TNFRSF10B: variants seen among roughly 807,000 people sequenced by gnomAD.
The protein encoded by TNFRSF10B is TNF receptor superfamily member 10b, also known as tumor necrosis factor receptor superfamily member 10B.
Under a neutral mutation model 41.4 loss-of-function variants are expected in TNFRSF10B, and 35 were observed. The ratio of observed to expected loss-of-function variants is 0.85; its 90% CI spans 0.65 to 1.12. The LOEUF (loss-of-function observed/expected upper bound fraction) is 1.12, where lower values mean the gene tolerates loss of function less well. TNFRSF10B is among the 50% of genes most tolerant of loss of function. The pLI is 0.00. For synonymous variants in TNFRSF10B, 230 were observed against 215.5 expected, an observed-to-expected ratio of 1.07 and a Z score of -0.59; for missense variants, 584 against 552.7, an observed-to-expected ratio of 1.06 and a Z score of -0.57.
intron 1 of TNFRSF10B, chr8:23,068,227 C>T (rs1241338162): frequency 1.3e-5 from 2 of 155,838 alleles, no homozygotes; most frequent in East Asian, 1.9e-4. Context: ...GACTCCCGCG[C>T]ACGGAACGGA....
At chr8:23,034,605 T>C (rs1811976456) in intron 2 of TNFRSF10B, among the ~76,000 whole-genome samples, 2 of 152,210 alleles carry the variant, frequency 1.3e-5, no homozygotes, top group African/African-American at 4.8e-5. Context: ...TACATGCCTG[T>C]AGTCTTAGCT....
chr8:23,041,068 T>G (rs909348751), intron 2 of TNFRSF10B, among the ~76,000 whole-genome samples: 21 of 151,484 alleles, frequency 1.4e-4, no homozygotes, highest in African/African-American at 4.1e-4. Flanking sequence ...TTTGTTGTTT[T>G]TTTTTTTTGA....
At chr8:23,043,032 T>A in intron 2 of TNFRSF10B, 106 bp downstream of exon 2, 1 of 1,063,952 alleles carries the variant, frequency 9.4e-7, no homozygotes, top group African/African-American at 1.6e-5. Context: ...AGGCACCCAA[T>A]GCCTCTCTGT....
intron 1 of TNFRSF10B, among the ~76,000 whole-genome samples, chr8:23,067,230 G>A (rs138762474): frequency 0.012 from 1,822 of 151,792 alleles, 23 homozygotes; most frequent in South Asian, 0.053. Flanking sequence ...TGCCCGCCTC[G>A]GCCTCCCAAA....
chr8:23,059,808 G>A (rs1481663916), intron 1 of TNFRSF10B, among the ~76,000 whole-genome samples: 2 of 152,124 alleles, frequency 1.3e-5, no homozygotes, highest in East Asian at 1.9e-4. Context: ...CACCGCACCC[G>A]GCCTGTGTGT....
chr8:23,050,967 G>C (rs1381147365), intron 1 of TNFRSF10B, among the ~76,000 whole-genome samples: 1 of 152,196 alleles, frequency 6.6e-6, no homozygotes, highest in Non-Finnish European at 1.5e-5. Context: ...CCAGCTACTT[G>C]GGAGGCTGAG....
In TNFRSF10B at chr8:23,024,280, A is replaced by C; in HGVS notation, c.937-20T>G. The C allele has an allele frequency of 6.2e-7, 1 of 1,613,818 alleles. No individual in the cohort carries two copies. The highest frequency in any genetic ancestry group is 8.5e-7 in the Non-Finnish European group (1 of 1,179,832). ...CGGTTCCTGTAACACATAGTGGGGA[A>C]TGTCCTGGTCAGAGCCAGGAGTCCT... On this transcript the variant is annotated intron_variant, in intron 7 of 8. Coordinates refer to ENST00000276431, the MANE Select transcript of TNFRSF10B (RefSeq NM_003842.5).
intron 1 of TNFRSF10B, among the ~76,000 whole-genome samples, chr8:23,048,966 C>T (rs1204245923): frequency 1.3e-5 from 2 of 152,120 alleles, no homozygotes; most frequent in African/African-American, 2.4e-5. Context: ...ACTTGAAAGA[C>T]ATTTCTCCAA....
At position 23,040,084 on chromosome 8, in the gene TNFRSF10B, G is replaced by C. The variant is rs576964045; in HGVS notation, c.250+3054C>G. ...CTACTCCCTGTACTCAGGAGGCTGA[G>C]GCAGGAAAATCGCTTAAACCCAGCA... is the stretch of plus-strand genomic sequence containing the variant. On this transcript the variant is annotated intron_variant, in intron 2 of 8. Coordinates refer to ENST00000276431, the MANE Select transcript of TNFRSF10B (RefSeq NM_003842.5). 2.0e-5 allele frequency among the ~76,000 whole-genome samples: 3 copies of C among 151,710 alleles called. No individual in the cohort carries two copies. In the East Asian group the frequency reaches 5.8e-4, roughly 29 times the overall value.
chr8:23,049,963 G>A (rs1329948559), intron 1 of TNFRSF10B: 1 of 152,288 alleles, frequency 6.6e-6, no homozygotes, highest in African/African-American at 2.4e-5. Flanking sequence ...GTCTTCAGGA[G>A]GATCCCAGCA....
At position 23,022,544 on chromosome 8, in the gene TNFRSF10B, G is replaced by T; in HGVS notation, c.*127C>A. On this transcript the variant is annotated 3_prime_UTR_variant, in exon 9 of 9. Coordinates refer to ENST00000276431, the MANE Select transcript of TNFRSF10B (RefSeq NM_003842.5). ...TTCCATCCACTGGGTGATGTTGGAT[G>T]GGAGAGTTTCTTCCAGTACCGGTCA... 2 of 976,578 alleles carry T rather than the reference G, an allele frequency of 2.0e-6. No individual in the cohort carries two copies. The highest frequency in any genetic ancestry group is 1.6e-6 in the Non-Finnish European group (1 of 628,090). The allele number at this position is 976,578 out of a possible 1,614,324, so 60.5% of individuals were successfully genotyped here.
At chr8:23,052,285 CTTTT>C (rs35496059) in intron 1 of TNFRSF10B, among the ~76,000 whole-genome samples, 1 of 129,550 alleles carries the variant, frequency 7.7e-6, no homozygotes, top group Non-Finnish European at 1.6e-5. Flanking sequence ...TAAAGGGTAA[CTTTT>C]TTTTTTTTTT....
intron 1 of TNFRSF10B, among the ~76,000 whole-genome samples, chr8:23,064,229 G>C (rs1301988819): frequency 1.3e-5 from 2 of 152,258 alleles, no homozygotes; most frequent in African/African-American, 4.8e-5. Flanking sequence ...GGACATAGAG[G>C]AAAGAGTGCA....
rs774359941 is a variant in TNFRSF10B at position 23,043,232 on chromosome 8, C to G, written c.156G>C (p.Glu52Asp). ...VAAVLLLVSA[E>D]SALITQQDLA... Reference sequence around the variant, plus strand: ...GGTCTTGTTGGGTGATCAGAGCAGACTCAGCTGAGACCTGTGGGGACAAAG... The same window carrying G: ...GGTCTTGTTGGGTGATCAGAGCAGAGTCAGCTGAGACCTGTGGGGACAAAG... The change falls in exon 2 of 9, where the codon GAG (glutamate) becomes GAC (aspartate). Residue 52 changes from glutamate (E) to aspartate (D), a missense_variant. Coordinates refer to ENST00000276431, the MANE Select transcript of TNFRSF10B (RefSeq NM_003842.5). 11 of 1,613,978 alleles carry G rather than the reference C, an allele frequency of 6.8e-6. No homozygotes were observed.
In TNFRSF10B at chr8:23,022,636, C is replaced by T. The variant is rs1388416705; in HGVS notation, c.*35G>A. ...GGGCTTTTTCCAGAAAAAAGGTAAA[C>T]CAGGGAAGGTCTGACTTCCTGAAGA... On this transcript the variant is annotated 3_prime_UTR_variant, in exon 9 of 9. Coordinates refer to ENST00000276431, the MANE Select transcript of TNFRSF10B (RefSeq NM_003842.5). 1 of 1,613,030 alleles carries T rather than the reference C, an allele frequency of 6.2e-7. No individual in the cohort carries two copies. The highest frequency in any genetic ancestry group is 2.2e-5 in the East Asian group (1 of 44,878).
chr8:23,035,143 ATT>A (rs767212383), intron 2 of TNFRSF10B, among the ~76,000 whole-genome samples: 2 of 143,038 alleles, frequency 1.4e-5, no homozygotes, highest in Admixed American at 7.0e-5. Context: ...GTTTGCAGGT[ATT>A]TTTTTTTTTT....
intron 5 of TNFRSF10B, 148 bp downstream of exon 5, chr8:23,028,183 G>T: frequency 9.4e-7 from 1 of 1,063,274 alleles, no homozygotes; most frequent in Non-Finnish European, 1.4e-6. Flanking sequence ...ACGGGATGTG[G>T]GGATGGGGGT....
intron 1 of TNFRSF10B, among the ~76,000 whole-genome samples, chr8:23,062,046 A>G (rs749340204): frequency 6.6e-6 from 1 of 152,130 alleles, no homozygotes; most frequent in Non-Finnish European, 1.5e-5. Flanking sequence ...GGCCTTACAG[A>G]AAGAGTCAAG....
chr8:23,029,661 C>G lies in TNFRSF10B; in HGVS notation c.425G>C (p.Gly142Ala). Residue 142 changes from glycine (G) to alanine (A), a missense_variant, in exon 4 of 9, where the codon GGC (glycine) becomes GCC (alanine). By Grantham distance (60) the Gly-to-Ala change is moderately conservative. Transcript: ENST00000276431. ...AGGAGAATCTTCTTCCCGGAAGGTG[C>G]CTTCTTCGCACTGACACACTGTGTT... ...TRNTVCQCEE[G>A]TFREEDSPEM... 1.2e-6 allele frequency: 2 copies of G among 1,613,856 alleles called. No homozygotes were observed. Among genetic ancestry groups the G allele is most frequent in the East Asian group, 2.2e-5 (1 of 44,872 alleles).
Sources: gnomAD v4.1 joint callset for allele counts (sites outside exome capture counted in the v4.1 genomes callset) on GRCh38, gnomAD v4.1.1 for gene constraint, MANE v1.5 for transcripts, NCBI Gene and HGNC (gene_info 2026-07-23, HGNC 2026-07-21) for gene names.